Variants in PHACTR1 observed in about 807,000 individuals in gnomAD.
PHACTR1 encodes the protein RPEL repeat containing 1.
A neutral mutation model predicts 69.2 loss-of-function variants in PHACTR1; 16 were observed. The observed-to-expected ratio is 0.23, with a 90% CI of 0.16 to 0.35. The LOEUF is 0.35. PHACTR1 is among the 10% of genes least tolerant of loss of function. PHACTR1 has a pLI of 1.00. For missense variants in PHACTR1, 510 were observed against 734.7 expected, an observed-to-expected ratio of 0.69 and a Z score of 3.54; for synonymous variants, 312 against 284.5, an observed-to-expected ratio of 1.10 and a Z score of -0.97.
intron 12 of PHACTR1, chr6:13,281,426 T>C (rs772237917): frequency 2.3e-5 from 7 of 306,278 alleles, no homozygotes; most frequent in Middle Eastern, 7.2e-4. Flanking sequence ...AGGTGGCGCA[T>C]ACCTGTAATC....
At chr6:12,802,405 A>T (rs543389425) in intron 4 of PHACTR1, among the ~76,000 whole-genome samples, 1 of 152,258 alleles carries the variant, frequency 6.6e-6, no homozygotes, top group Middle Eastern at 3.4e-3. Flanking sequence ...GTGCAGGCAA[A>T]TGGAATATAT....
intron 4 of PHACTR1, among the ~76,000 whole-genome samples, chr6:12,973,192 G>T (rs1794445637): frequency 6.6e-6 from 1 of 152,112 alleles, no homozygotes; most frequent in Non-Finnish European, 1.5e-5. Context: ...TGTTTAAAAG[G>T]AGTCTGAGAA....
chr6:12,962,485 T>C (rs1244861396), intron 4 of PHACTR1, among the ~76,000 whole-genome samples: 1 of 152,188 alleles, frequency 6.6e-6, no homozygotes, highest in Non-Finnish European at 1.5e-5. Flanking sequence ...TTAGGGAACA[T>C]GGTACAGCCT....
intron 4 of PHACTR1, among the ~76,000 whole-genome samples, chr6:12,875,959 A>C (rs1782493008): frequency 1.3e-5 from 2 of 152,156 alleles, no homozygotes; most frequent in African/African-American, 4.8e-5. Flanking sequence ...ACGTTATAAT[A>C]AAGCTAAGGA....
chr6:12,848,897 C>G (rs1460845341), intron 4 of PHACTR1, among the ~76,000 whole-genome samples: 1 of 151,826 alleles, frequency 6.6e-6, no homozygotes, highest in Non-Finnish European at 1.5e-5. Context: ...ATTAGAACCA[C>G]TAAAATGCCA....
At position 12,928,851 on chromosome 6, in the gene PHACTR1, C is replaced by T. The variant is rs528278594; in HGVS notation, c.251-124514C>T. Among the ~76,000 whole-genome samples, 43 of 152,202 alleles carry T rather than the reference C, an allele frequency of 2.8e-4. 1 individual carries two copies. The East Asian group carries it at 6.6e-3, about 23-fold the overall frequency. On this transcript the variant is annotated intron_variant, in intron 4 of 14. Transcript: ENST00000332995. Reference sequence around the variant, plus strand: ...GCTATGTTCATCCCCTAAGGCAGGACTAAAGAAAGGTAACACTGAGGAAGG... The same window carrying T: ...GCTATGTTCATCCCCTAAGGCAGGATTAAAGAAAGGTAACACTGAGGAAGG...
intron 4 of PHACTR1, among the ~76,000 whole-genome samples, chr6:12,800,495 A>C (rs2876298): frequency 0.87 from 131,911 of 152,176 alleles, 57,765 homozygotes; most frequent in East Asian, 1. Flanking sequence ...TTAAAGTTAA[A>C]AGAGTGACTC....
intron 4 of PHACTR1, among the ~76,000 whole-genome samples, chr6:12,876,725 C>A (rs1420181175): frequency 6.6e-6 from 1 of 152,098 alleles, no homozygotes; most frequent in Non-Finnish European, 1.5e-5. Flanking sequence ...TCCAGAGAAA[C>A]AGAACCAGTA....
intron 4 of PHACTR1, among the ~76,000 whole-genome samples, chr6:12,977,517 AAAGTTATCCTTGGCTTTAC>A (rs1490585867): frequency 6.6e-6 from 1 of 152,172 alleles, no homozygotes; most frequent in Non-Finnish European, 1.5e-5. Context: ...TAAAACTTAT[AAAGTTATCCTTGGCTTTAC>A]AAGGATGGAA....
chr6:12,792,592 T>G (rs970353227), intron 4 of PHACTR1, among the ~76,000 whole-genome samples: 1 of 150,268 alleles, frequency 6.7e-6, no homozygotes, highest in Non-Finnish European at 1.5e-5. Flanking sequence ...ATCATGCCCA[T>G]GCATTTCAAG....
At chr6:13,172,685 C>T (rs1018087817) in intron 6 of PHACTR1, among the ~76,000 whole-genome samples, 13 of 152,168 alleles carry the variant, frequency 8.5e-5, no homozygotes, top group African/African-American at 3.1e-4. Flanking sequence ...GGCTTCTCAG[C>T]AAGAAGGAGA....
chr6:12,818,177 A>T (rs1775803715), intron 4 of PHACTR1, among the ~76,000 whole-genome samples: 1 of 152,134 alleles, frequency 6.6e-6, no homozygotes, highest in Non-Finnish European at 1.5e-5. Context: ...TTTGCTACGT[A>T]ACAAACCTAC....
At chr6:12,954,112 A>C (rs1791598269) in intron 4 of PHACTR1, among the ~76,000 whole-genome samples, 1 of 152,170 alleles carries the variant, frequency 6.6e-6, no homozygotes, top group South Asian at 2.1e-4. Context: ...AGGCATTTCA[A>C]GGAAGAACAT....
chr6:12,799,142 T>C (rs1292442810), intron 4 of PHACTR1, among the ~76,000 whole-genome samples: 1 of 152,252 alleles, frequency 6.6e-6, no homozygotes, highest in East Asian at 1.9e-4. Flanking sequence ...TATTTTTTAA[T>C]TTGACCTTTC....
chr6:13,052,004 C>T (rs1385268324), intron 4 of PHACTR1, among the ~76,000 whole-genome samples: 1 of 152,206 alleles, frequency 6.6e-6, no homozygotes, highest in East Asian at 1.9e-4. Context: ...AAACCTGTGT[C>T]CTCGCCTGTC....
chr6:13,147,967 C>G (rs984697854), intron 5 of PHACTR1, among the ~76,000 whole-genome samples: 1 of 152,166 alleles, frequency 6.6e-6, no homozygotes, highest in Non-Finnish European at 1.5e-5. Flanking sequence ...TTCCCCTCCC[C>G]ACCAGAGGTA....
chr6:13,042,735 T>TA lies in PHACTR1; in HGVS notation c.251-10628dup, dbSNP rs774029846. Among the ~76,000 whole-genome samples the TA allele has an allele frequency of 1.8e-4, 27 of 152,326 alleles. 1 individual carries two copies. Among genetic ancestry groups the TA allele is most frequent in the South Asian group, 1.2e-3 (6 of 4,822 alleles). On this transcript the variant is annotated intron_variant, in intron 4 of 14. Coordinates refer to ENST00000332995, the MANE Select transcript of PHACTR1 (RefSeq NM_030948.6). ...GGAACGCTTATTAGCCAGGTGGTAA[T>TA]AAGCTGATACCAGAGGAGACTTTTC...
intron 4 of PHACTR1, among the ~76,000 whole-genome samples, chr6:12,959,176 C>CAAAAAAAAAAAAAAAAAAAAAAAA (rs70989814): frequency 4.3e-5 from 2 of 46,248 alleles, no homozygotes; most frequent in African/African-American, 1.9e-4. Flanking sequence ...GACTTTATCT[C>CAAAAAAAAAAAAAAAAAAAAAAAA]AAAAAAAAAA....
intron 5 of PHACTR1, among the ~76,000 whole-genome samples, chr6:13,094,362 T>C (rs907991884): frequency 6.6e-6 from 1 of 151,438 alleles, no homozygotes; most frequent in African/African-American, 2.4e-5. Context: ...TGGCACAATC[T>C]TGGCTCACTG....
Sources: allele counts gnomAD v4.1 joint callset (sites outside exome capture counted in the v4.1 genomes callset), GRCh38; gene constraint gnomAD v4.1.1; transcripts MANE v1.5; gene names NCBI Gene and HGNC (gene_info 2026-07-23, HGNC 2026-07-21).